The following DLGAP2 variants were observed in gnomAD, a reference collection of about 807,000 sequenced individuals.
DLGAP2 encodes DLG associated protein 2.
In DLGAP2, 26 loss-of-function variants were observed where a neutral mutation model predicts 100.3. The observed-to-expected ratio is 0.26, with a 90% CI of 0.19 to 0.36. The LOEUF (loss-of-function observed/expected upper bound fraction) is 0.36. Ranked by LOEUF, DLGAP2 falls within the 10% of genes least tolerant of loss-of-function variation. DLGAP2 has a pLI of 1.00. For missense variants in DLGAP2, 1,858 were observed against 1,453.2 expected (o/e 1.28, Z -4.53); for synonymous variants, 886 against 630.1 (o/e 1.41, Z -6.08).
intron 3 of DLGAP2, among the ~76,000 whole-genome samples, chr8:1,435,497 C>A (rs1283142898): frequency 6.6e-6 from 1 of 152,132 alleles, no homozygotes; most frequent in Non-Finnish European, 1.5e-5. Context: ...GGTAGAGAAA[C>A]CCCCTGTGCA....
rs1797065838 is a variant in DLGAP2 at position 1,420,675 on chromosome 8, C to CA, written c.107-80687dup. ...TGCCTCCGACTGCATTCCCTCTCGC[C>CA]AAAATGCCCTCCACTCCAACCCAGT... is the stretch of plus-strand genomic sequence containing the variant. On this transcript the variant is annotated intron_variant, in intron 3 of 14. Coordinates refer to ENST00000637795, the MANE Select transcript of DLGAP2 (RefSeq NM_001346810.2). Among the ~76,000 whole-genome samples, 6 of 152,260 alleles carry CA rather than the reference C, an allele frequency of 3.9e-5. No individual in the cohort carries two copies. The South Asian group carries it at 1.2e-3, about 32-fold the overall frequency.
At chr8:1,237,632 C>T (rs1199864173) in intron 2 of DLGAP2, among the ~76,000 whole-genome samples, 2 of 146,398 alleles carry the variant, frequency 1.4e-5, no homozygotes, top group Non-Finnish European at 3.0e-5. Context: ...TCACATGGTG[C>T]CGTGTCTAGT....
intron 1 of DLGAP2, among the ~76,000 whole-genome samples, chr8:808,043 T>A (rs1431723445): frequency 6.6e-6 from 1 of 152,160 alleles, no homozygotes; most frequent in African/African-American, 2.4e-5. Flanking sequence ...AAGTCCCGGC[T>A]TTGCTTCTGG....
intron 1 of DLGAP2, among the ~76,000 whole-genome samples, chr8:877,127 T>A (rs1797700374): frequency 1.3e-5 from 2 of 152,188 alleles, no homozygotes; most frequent in Admixed American, 6.5e-5. Flanking sequence ...TGGCCTCTGG[T>A]CACTTCCACA....
intron 4 of DLGAP2, among the ~76,000 whole-genome samples, chr8:1,516,536 T>G: frequency 6.6e-6 from 1 of 150,704 alleles, no homozygotes. Context: ...AGTGAGTGAG[T>G]GAGTGCATGA....
At chr8:1,415,398 A>C (rs896760479) in intron 3 of DLGAP2, among the ~76,000 whole-genome samples, 13 of 152,166 alleles carry the variant, frequency 8.5e-5, no homozygotes, top group African/African-American at 2.9e-4. Flanking sequence ...TTGAGGTGCA[A>C]ATGATCCCAT....
intron 2 of DLGAP2, among the ~76,000 whole-genome samples, chr8:943,032 T>C (rs1397410134): frequency 1.3e-5 from 2 of 152,206 alleles, no homozygotes; most frequent in East Asian, 1.9e-4. Context: ...CATGGGCATA[T>C]TGAGCTTGCG....
At chr8:1,681,714 C>T (rs553972639) in intron 12 of DLGAP2, among the ~76,000 whole-genome samples, 4 of 152,302 alleles carry the variant, frequency 2.6e-5, no homozygotes, top group East Asian at 1.9e-4. Context: ...GGCCCTGTGC[C>T]GAATGCACTG....
chr8:1,637,792 G>A (rs1400901650), intron 8 of DLGAP2, among the ~76,000 whole-genome samples: 1 of 152,214 alleles, frequency 6.6e-6, no homozygotes, highest in Non-Finnish European at 1.5e-5. Flanking sequence ...AACAGTTGCA[G>A]TTGAAGAGCT....
intron 8 of DLGAP2, among the ~76,000 whole-genome samples, chr8:1,662,977 G>C (rs1476013527): frequency 1.3e-5 from 2 of 148,798 alleles, no homozygotes; most frequent in Non-Finnish European, 3.0e-5. Flanking sequence ...GGGTATGACT[G>C]TGTGTGTACA....
At chr8:1,052,063 C>T (rs117467332) in intron 2 of DLGAP2, among the ~76,000 whole-genome samples, 7 of 152,186 alleles carry the variant, frequency 4.6e-5, no homozygotes, top group Non-Finnish European at 8.8e-5. Flanking sequence ...GCCGCCAGCA[C>T]GCGCCTGCCA....
chr8:1,477,091 C>CA (rs1291110536), intron 3 of DLGAP2, among the ~76,000 whole-genome samples: 3 of 152,254 alleles, frequency 2.0e-5, no homozygotes, highest in African/African-American at 7.2e-5. Context: ...GTCACTGCCG[C>CA]AGGCACTGCA....
chr8:925,535 G>A (rs1202990324), intron 2 of DLGAP2, among the ~76,000 whole-genome samples: 5 of 152,182 alleles, frequency 3.3e-5, no homozygotes, highest in Non-Finnish European at 7.3e-5. Context: ...TGCGGAGAGA[G>A]TGTATTAGCA....
intron 4 of DLGAP2, among the ~76,000 whole-genome samples, chr8:1,531,521 A>G (rs887122490): frequency 2.0e-5 from 3 of 152,122 alleles, no homozygotes; most frequent in Non-Finnish European, 4.4e-5. Context: ...AATTTTTTGA[A>G]GGAAATGTTT....
chr8:999,433 A>G (rs1437270626), intron 2 of DLGAP2, among the ~76,000 whole-genome samples: 2 of 145,676 alleles, frequency 1.4e-5, no homozygotes, highest in Non-Finnish European at 3.0e-5. Context: ...TTTTGTTTTG[A>G]TAGTTGCTGT....
intron 2 of DLGAP2, among the ~76,000 whole-genome samples, chr8:1,252,723 G>A (rs1269765510): frequency 6.6e-6 from 1 of 152,272 alleles, no homozygotes; most frequent in Admixed American, 6.5e-5. Flanking sequence ...GGCCATGGCG[G>A]CCAGGCAGGC....
At chr8:1,651,690 G>T (rs1196341453) in intron 8 of DLGAP2, among the ~76,000 whole-genome samples, 2 of 152,320 alleles carry the variant, frequency 1.3e-5, no homozygotes, top group South Asian at 2.1e-4. Context: ...CACAGGCTGT[G>T]TAGCCCTCCC....
At chr8:1,293,782 T>C (rs1252143315) in intron 3 of DLGAP2, among the ~76,000 whole-genome samples, 3 of 152,212 alleles carry the variant, frequency 2.0e-5, no homozygotes, top group Non-Finnish European at 4.4e-5. Context: ...AGAGTCTCCT[T>C]CTTCACTTAT....
At chr8:1,076,417 T>G (rs181341877) in intron 2 of DLGAP2, among the ~76,000 whole-genome samples, 93 of 152,274 alleles carry the variant, frequency 6.1e-4, no homozygotes, top group African/African-American at 2.2e-3. Flanking sequence ...CGTACGGTAT[T>G]TTGCGGAAAG....
Sources: allele counts gnomAD v4.1 joint callset (sites outside exome capture counted in the v4.1 genomes callset), GRCh38; gene constraint gnomAD v4.1.1; transcripts MANE v1.5; gene names NCBI Gene and HGNC (gene_info 2026-07-23, HGNC 2026-07-21).